The following TTC28 variants were observed in gnomAD, a reference collection of about 807,000 sequenced individuals.
TTC28 encodes tetratricopeptide repeat protein 28.
In TTC28, 61 loss-of-function variants were observed where a neutral mutation model predicts 198.0. The observed-to-expected ratio is 0.31, with a 90% CI of 0.25 to 0.38. The LOEUF (loss-of-function observed/expected upper bound fraction) is 0.38, where lower values mean the gene tolerates loss of function less well. Among genes scored for constraint, TTC28 ranks in the 10% least tolerant of loss-of-function variants. TTC28 has a pLI of 1.00. For missense variants in TTC28, 2,678 were observed against 3,164.0 expected (o/e 0.85, Z 3.69); for synonymous variants, 1,171 against 1,297.8 (o/e 0.90, Z 2.10).
intron 2 of TTC28, among the ~76,000 whole-genome samples, chr22:28,343,577 C>A (rs2145913132): frequency 6.6e-6 from 1 of 151,808 alleles, no homozygotes; most frequent in Non-Finnish European, 1.5e-5. Flanking sequence ...ATGTCCTCTG[C>A]CTAATTCAAA....
At position 28,516,788 on chromosome 22, in the gene TTC28, C is replaced by CA. The variant is rs1264327440; in HGVS notation, c.381+112763dup. On this transcript the variant is annotated intron_variant, in intron 2 of 22. Transcript: ENST00000397906. ...AAAAAAACAAGAATACTCATCATCACAAAAAATAATAAGCATGTGAAGTAA... is the reference window on the plus strand; with the variant it reads ...AAAAAAACAAGAATACTCATCATCACAAAAAAATAATAAGCATGTGAAGTAA... Among the ~76,000 whole-genome samples, 6 of 152,042 alleles carry CA rather than the reference C, an allele frequency of 3.9e-5. No homozygotes were observed. In the East Asian group the frequency reaches 5.8e-4, roughly 15 times the overall value.
At chr22:28,581,413 A>G (rs2050232385) in intron 2 of TTC28, among the ~76,000 whole-genome samples, 1 of 152,236 alleles carries the variant, frequency 6.6e-6, no homozygotes, top group African/African-American at 2.4e-5. Context: ...TTGAGATAAT[A>G]CACCCTATAA....
intron 1 of TTC28, among the ~76,000 whole-genome samples, chr22:28,631,290 T>C (rs951969189): frequency 6.6e-6 from 1 of 152,218 alleles, no homozygotes; most frequent in African/African-American, 2.4e-5. Flanking sequence ...AATGAATCTT[T>C]TTGGACTGGC....
In TTC28 at chr22:28,001,542, G is replaced by A; in HGVS notation, c.4230C>T (p.His1410=). ...GGTGCCGGCCCACGGGGCCGCTGGA[G>A]TGCATCAGGCCCTATGGAGCAAGCA... ...LIAPMEGGLM[H]SSGPVGRHRQ... The change falls in exon 15 of 23, where the codon CAC becomes CAT. Residue 1410 remains histidine (H), a synonymous_variant. Coordinates refer to ENST00000397906, the MANE Select transcript of TTC28 (RefSeq NM_001145418.2). 6.4e-7 allele frequency: 1 copy of A among 1,550,938 alleles called. No homozygotes were observed. The highest frequency in any genetic ancestry group is 8.7e-7 in the Non-Finnish European group (1 of 1,146,828).
intron 5 of TTC28, among the ~76,000 whole-genome samples, chr22:28,293,497 T>C (rs1249123778): frequency 6.6e-6 from 1 of 151,936 alleles, no homozygotes; most frequent in Non-Finnish European, 1.5e-5. Context: ...GAGATGTTGG[T>C]TAAAGGGTAT....
rs139549613 is a variant in TTC28, at chr22:28,240,002, G to A, written c.933+56196C>T. ...TGTTGTGGGAGCTGTCCTGTGCATT[G>A]TAGGATGCTTAGCAGCATCCCTGAC... is the stretch of plus-strand genomic sequence containing the variant. On this transcript the variant is annotated intron_variant, in intron 5 of 22. Coordinates refer to ENST00000397906, the MANE Select transcript of TTC28 (RefSeq NM_001145418.2). Among the ~76,000 whole-genome samples the A allele has an allele frequency of 5.8e-4, 89 of 152,284 alleles. No individual in the cohort carries two copies. In the East Asian group the frequency reaches 0.014, roughly 24 times the overall value.
intron 2 of TTC28, among the ~76,000 whole-genome samples, chr22:28,334,021 A>T (rs1252266630): frequency 1.0e-5 from 1 of 99,100 alleles, no homozygotes. Context: ...CCCACAACAG[A>T]CCCCAGTGTG....
chr22:28,110,604 T>G (rs919604596), intron 6 of TTC28, among the ~76,000 whole-genome samples: 3 of 152,168 alleles, frequency 2.0e-5, no homozygotes, highest in African/African-American at 4.8e-5. Context: ...ACATAAATCA[T>G]GGTACACTTA....
chr22:28,447,440 C>A (rs1269149922), intron 2 of TTC28, among the ~76,000 whole-genome samples: 3 of 152,220 alleles, frequency 2.0e-5, no homozygotes, highest in Non-Finnish European at 4.4e-5. Flanking sequence ...AGCATCCTAA[C>A]AGGCCAAACA....
chr22:28,504,498 G>C (rs896426114), intron 2 of TTC28, among the ~76,000 whole-genome samples: 11 of 151,920 alleles, frequency 7.2e-5, no homozygotes, highest in African/African-American at 2.7e-4. Context: ...TTCCTCTATT[G>C]TATTATAATG....
At chr22:28,582,114 CAT>C (rs1742279382) in intron 2 of TTC28, among the ~76,000 whole-genome samples, 1 of 151,932 alleles carries the variant, frequency 6.6e-6, no homozygotes, top group African/African-American at 2.4e-5. Flanking sequence ...GATTACTATA[CAT>C]GTTTTCAAAT....
At chr22:28,174,036 T>C (rs1173541833) in intron 5 of TTC28, among the ~76,000 whole-genome samples, 1 of 152,184 alleles carries the variant, frequency 6.6e-6, no homozygotes, top group Non-Finnish European at 1.5e-5. Context: ...ACATGCTCCA[T>C]GTATTCTCTG....
chr22:28,030,320 C>T lies in TTC28; in HGVS notation c.3979G>A (p.Asp1327Asn), dbSNP rs1939023752. ...TTGTTCATCTCTTCAAATTGCTGGT[C>T]CATGATGTCTCCCGCTTCACTCTCT... ...ETESEAGDIM[D>N]QQFEEMNNKL... The change falls in exon 13 of 23, where the codon GAC (aspartate) becomes AAC (asparagine). Residue 1327 changes from aspartate (D) to asparagine (N), a missense_variant. Around this residue, in one of 8 missense-constraint regions of TTC28, gnomAD observed 727 missense variants for 861.9 expected, o/e 0.84. Transcript: ENST00000397906. 1.9e-6 allele frequency: 3 copies of T among 1,551,714 alleles called. No individual in the cohort carries two copies. Among genetic ancestry groups the T allele is most frequent in the Admixed American group, 2.0e-5 (1 of 50,988 alleles).
intron 12 of TTC28, among the ~76,000 whole-genome samples, chr22:28,038,057 C>T (rs554057693): frequency 3.0e-4 from 45 of 152,104 alleles, no homozygotes; most frequent in South Asian, 1.9e-3. Context: ...TGCTCATGGA[C>T]AGGAAGAATC....
At chr22:27,998,497 G>A (rs1486801547) in intron 16 of TTC28, 43 bp downstream of exon 16, 1 of 1,520,994 alleles carries the variant, frequency 6.6e-7, no homozygotes, top group East Asian at 2.5e-5. Context: ...TGAGGACTGA[G>A]CCCCAGGCCT....
At chr22:28,573,199 G>A (rs1330867917) in intron 2 of TTC28, among the ~76,000 whole-genome samples, 1 of 151,296 alleles carries the variant, frequency 6.6e-6, no homozygotes, top group Non-Finnish European at 1.5e-5. Context: ...GCTCATGCCT[G>A]TAATCCCAGC....
At chr22:27,991,431 T>C (rs145766514) in intron 19 of TTC28, among the ~76,000 whole-genome samples, 1 of 152,284 alleles carries the variant, frequency 6.6e-6, no homozygotes, top group East Asian at 1.9e-4. Flanking sequence ...AATACACTTA[T>C]TACAAAATGA....
intron 2 of TTC28, among the ~76,000 whole-genome samples, chr22:28,466,548 G>C (rs1426343510): frequency 6.6e-6 from 1 of 152,132 alleles, no homozygotes; most frequent in Non-Finnish European, 1.5e-5. Context: ...AATGTGACTT[G>C]GCACTAAGAC....
intron 2 of TTC28, among the ~76,000 whole-genome samples, chr22:28,376,995 A>T (rs550361400): frequency 5.3e-5 from 8 of 152,298 alleles, no homozygotes; most frequent in Non-Finnish European, 7.4e-5. Context: ...ATAGGACACA[A>T]TAAATTCTAA....
Sources: allele counts gnomAD v4.1 joint callset (sites outside exome capture counted in the v4.1 genomes callset), GRCh38; gene constraint gnomAD v4.1.1; regional missense constraint gnomAD v4.1.1; transcripts MANE v1.5; gene names NCBI Gene and HGNC (gene_info 2026-07-23, HGNC 2026-07-21).